TRAPPC9: variants seen among roughly 807,000 people sequenced by gnomAD.
TRAPPC9 encodes the protein trafficking protein particle complex subunit 9, also known as IKK2 binding protein.
A neutral mutation model predicts 124.0 loss-of-function variants in TRAPPC9; 83 were observed. That is an observed-to-expected ratio of 0.67 (90% CI 0.56 to 0.80). TRAPPC9 has a LOEUF of 0.80. Among genes scored for constraint, TRAPPC9 ranks in the 30% least tolerant of loss-of-function variants. The pLI is 0.00. For missense variants in TRAPPC9, 1,302 were observed against 1,508.3 expected (o/e 0.86, Z 2.27); for synonymous variants, 638 against 617.5 (o/e 1.03, Z -0.49).
intron 17 of TRAPPC9, among the ~76,000 whole-genome samples, chr8:140,131,700 G>C (rs1483570166): frequency 1.3e-5 from 2 of 152,206 alleles, no homozygotes; most frequent in Non-Finnish European, 2.9e-5. Flanking sequence ...AAAGAACCTT[G>C]AGGGAACAAA....
At chr8:139,937,527 C>G (rs1307600636) in intron 19 of TRAPPC9, among the ~76,000 whole-genome samples, 1 of 152,096 alleles carries the variant, frequency 6.6e-6, no homozygotes, top group Non-Finnish European at 1.5e-5. Flanking sequence ...CAGGCGGAGG[C>G]TGGAGGGCCG....
chr8:140,255,298 C>T (rs1289399660), intron 15 of TRAPPC9, among the ~76,000 whole-genome samples: 2 of 152,216 alleles, frequency 1.3e-5, no homozygotes, highest in African/African-American at 2.4e-5. Context: ...CTCCCAACAA[C>T]CAGTGAAATC....
intron 21 of TRAPPC9, among the ~76,000 whole-genome samples, chr8:139,746,357 G>T (rs1419494721): frequency 6.6e-6 from 1 of 152,212 alleles, no homozygotes; most frequent in Non-Finnish European, 1.5e-5. Context: ...TAGAGGGAAA[G>T]GACAAACCTG....
chr8:139,840,668 C>T (rs570653934), intron 21 of TRAPPC9, among the ~76,000 whole-genome samples: 41 of 152,258 alleles, frequency 2.7e-4, no homozygotes, highest in Non-Finnish European at 4.7e-4. Context: ...GGTTTCCACG[C>T]GTGGGAGGTT....
intron 19 of TRAPPC9, among the ~76,000 whole-genome samples, chr8:139,952,401 T>C (rs185781182): frequency 1.4e-3 from 213 of 152,338 alleles, no homozygotes; most frequent in African/African-American, 5.0e-3. Flanking sequence ...GGTGTGAACC[T>C]AGGTCTGTGT....
At chr8:140,030,782 T>C (rs983509764) in intron 17 of TRAPPC9, among the ~76,000 whole-genome samples, 1 of 152,248 alleles carries the variant, frequency 6.6e-6, no homozygotes, top group Non-Finnish European at 1.5e-5. Context: ...ATTGCTTGTA[T>C]GTATATGAGA....
chr8:140,086,648 G>C (rs551188883), intron 17 of TRAPPC9, among the ~76,000 whole-genome samples: 1 of 152,162 alleles, frequency 6.6e-6, no homozygotes, highest in Admixed American at 6.5e-5. Flanking sequence ...TCGGCCAGGC[G>C]TGGTGGCTCA....
chr8:139,855,517 C>G (rs541981982), intron 21 of TRAPPC9, among the ~76,000 whole-genome samples: 2 of 152,182 alleles, frequency 1.3e-5, no homozygotes, highest in African/African-American at 4.8e-5. Flanking sequence ...CAGCTCACCA[C>G]AGCTGTGCAA....
rs961262264 is a variant in TRAPPC9 at position 140,162,097 on chromosome 8, G to A, written c.2556+59362C>T. ...CGCTATCTGTCTGCCTTGAGTTTCC[G>A]GCTTACCACTCTATTTCTGTAAATT... is the stretch of plus-strand genomic sequence containing the variant. On this transcript the variant is annotated intron_variant, in intron 17 of 22. Transcript: ENST00000438773. 3.3e-5 allele frequency among the ~76,000 whole-genome samples: 5 copies of A among 152,094 alleles called. No individual in the cohort carries two copies. In the East Asian group the frequency reaches 5.8e-4, roughly 18 times the overall value.
intron 19 of TRAPPC9, among the ~76,000 whole-genome samples, chr8:139,980,549 A>C (rs1265462481): frequency 6.6e-6 from 1 of 152,254 alleles, no homozygotes; most frequent in Non-Finnish European, 1.5e-5. Context: ...ACCAGGAGGT[A>C]ACAGCACCAT....
rs544156554 is a variant in TRAPPC9 at position 140,424,133 on chromosome 8, A to AGTTT, written c.886+2478_886+2481dup. On this transcript the variant is annotated intron_variant, in intron 5 of 22. Coordinates refer to ENST00000438773, the MANE Select transcript of TRAPPC9 (RefSeq NM_001160372.4). ...TAAATAGGTAAACTGCATTAAAACT[A>AGTTT]GTTTGTTTGTTTGTTTGTTTGTTTT... 2.0e-3 allele frequency among the ~76,000 whole-genome samples: 297 copies of AGTTT among 150,666 alleles called. 1 individual carries two copies. Among genetic ancestry groups the AGTTT allele is most frequent in the East Asian group, 0.017 (89 of 5,176 alleles).
intron 17 of TRAPPC9, among the ~76,000 whole-genome samples, chr8:140,102,766 G>A (rs1444188147): frequency 1.3e-5 from 2 of 152,022 alleles, no homozygotes; most frequent in South Asian, 2.1e-4. Flanking sequence ...GTGTGGACTC[G>A]GAGTACACAT....
intron 19 of TRAPPC9, among the ~76,000 whole-genome samples, chr8:139,941,838 A>G (rs895047635): frequency 2.6e-5 from 4 of 152,194 alleles, no homozygotes; most frequent in African/African-American, 9.7e-5. Context: ...GGCTCCGGGC[A>G]TGGGTTTGCC....
chr8:140,162,614 C>T lies in TRAPPC9; in HGVS notation c.2556+58845G>A, dbSNP rs191182121. Among the ~76,000 whole-genome samples the T allele has an allele frequency of 7.9e-5, 12 of 152,310 alleles. 1 individual carries two copies. The East Asian group carries it at 2.3e-3, about 29-fold the overall frequency. Reference sequence around the variant, plus strand: ...GAGGGGAAGAGGGCAGACTCAAAAGCATGAAGCTCTGTGAGGTGGATGGTG... The same window carrying T: ...GAGGGGAAGAGGGCAGACTCAAAAGTATGAAGCTCTGTGAGGTGGATGGTG... On this transcript the variant is annotated intron_variant, in intron 17 of 22. Transcript: ENST00000438773.
intron 4 of TRAPPC9, among the ~76,000 whole-genome samples, chr8:140,434,281 G>A (rs1386818016): frequency 1.3e-5 from 2 of 152,144 alleles, no homozygotes; most frequent in African/African-American, 4.8e-5. Flanking sequence ...GCAACATGAT[G>A]ACTAAATCCT....
intron 17 of TRAPPC9, among the ~76,000 whole-genome samples, chr8:140,176,437 T>G (rs1356760201): frequency 6.6e-6 from 1 of 152,216 alleles, no homozygotes; most frequent in Non-Finnish European, 1.5e-5. Flanking sequence ...TTCTTTCGTG[T>G]CTTGCTTCCA....
intron 18 of TRAPPC9, among the ~76,000 whole-genome samples, chr8:139,991,457 T>G (rs545900592): frequency 6.6e-6 from 1 of 152,226 alleles, no homozygotes; most frequent in Non-Finnish European, 1.5e-5. Flanking sequence ...TTTCCCAGAC[T>G]GCAGCAGTGG....
intron 16 of TRAPPC9, among the ~76,000 whole-genome samples, chr8:140,234,615 T>A (rs554123558): frequency 1.3e-5 from 2 of 152,398 alleles, no homozygotes; most frequent in South Asian, 2.1e-4. Context: ...TGCCCCACTT[T>A]ATAAAAACCC....
intron 5 of TRAPPC9, among the ~76,000 whole-genome samples, chr8:140,406,804 T>C (rs1314793055): frequency 6.6e-6 from 1 of 152,218 alleles, no homozygotes; most frequent in Non-Finnish European, 1.5e-5. Flanking sequence ...TGTTTCCTGC[T>C]GATTTTGTGA....
Sources: allele counts gnomAD v4.1 joint callset (sites outside exome capture counted in the v4.1 genomes callset), GRCh38; gene constraint gnomAD v4.1.1; transcripts MANE v1.5; gene names NCBI Gene and HGNC (gene_info 2026-07-23, HGNC 2026-07-21).